The following STAT5A variants were observed in gnomAD, a reference collection of about 807,000 sequenced individuals.
The protein encoded by STAT5A is signal transducer and activator of transcription 5A, also known as epididymis secretory sperm binding protein.
STAT5A carries 26 observed loss-of-function variants against 100.2 expected under a neutral mutation model. The ratio of observed to expected loss-of-function variants is 0.26; its 90% CI spans 0.19 to 0.36. The LOEUF (loss-of-function observed/expected upper bound fraction) is 0.36, where lower values mean the gene tolerates loss of function less well. Ranked by LOEUF, STAT5A falls within the 10% of genes least tolerant of loss-of-function variation. STAT5A has a pLI of 1.00. For synonymous variants in STAT5A, 330 were observed against 424.3 expected (o/e 0.78, Z 2.73); for missense variants, 634 against 1,027.5 (o/e 0.62, Z 5.24).
chr17:42,292,478 A>G (rs1260613608), intron 4 of STAT5A, among the ~76,000 whole-genome samples: 20 of 151,538 alleles, frequency 1.3e-4, no homozygotes, highest in Admixed American at 9.9e-4. Flanking sequence ...ACAGGCGCCC[A>G]CCACCATGCC....
In STAT5A at chr17:42,310,541, G is replaced by A. The variant is rs780160492; in HGVS notation, c.2257G>A (p.Asp753Asn). 1.6e-5 allele frequency: 26 copies of A among 1,614,176 alleles called. No individual in the cohort carries two copies. The East Asian group carries it at 4.5e-4, about 28-fold the overall frequency. The change falls in exon 19 of 19, where the codon GAC (aspartate) becomes AAC (asparagine). Residue 753 changes from aspartate to asparagine, a missense_variant. Physicochemically the swap from Asp to Asn is conservative, Grantham distance 23. This residue lies in a region of STAT5A where 88 missense variants were observed against 95.1 expected (regional missense o/e 0.92). Coordinates refer to ENST00000590949, the MANE Select transcript of STAT5A (RefSeq NM_001288718.2). ...DHVLDQDGEF[D>N]LDETMDVARH... is the part of the protein sequence containing the mutation. ...TGTACTCGATCAGGATGGAGAATTC[G>A]ACCTGGATGAGACCATGGATGTGGC...
intron 9 of STAT5A, among the ~76,000 whole-genome samples, chr17:42,302,293 G>T (rs904445592): frequency 5.9e-5 from 9 of 152,250 alleles, no homozygotes; most frequent in African/African-American, 1.9e-4. Flanking sequence ...AGCAGAGCAG[G>T]CAGCAGATGC....
chr17:42,291,012 A>G (rs1567686561), intron 3 of STAT5A, among the ~76,000 whole-genome samples: 1 of 152,230 alleles, frequency 6.6e-6, no homozygotes. Context: ...TGTGCTATGC[A>G]ATGAAATAAT....
chr17:42,307,849 G>C (rs1342316734), intron 15 of STAT5A, 126 bp downstream of exon 15: 1 of 1,363,612 alleles, frequency 7.3e-7, no homozygotes, highest in African/African-American at 1.5e-5. Context: ...AGTATGAGAG[G>C]GCTGTGGCTT....
intron 2 of STAT5A, 74 bp from the exon 3 acceptor site, chr17:42,289,792 C>T: frequency 6.9e-7 from 1 of 1,447,886 alleles, no homozygotes; most frequent in East Asian, 2.5e-5. Context: ...GGGGTTTCCA[C>T]TTTATTCCAG....
rs570915545 is a variant in STAT5A, at chr17:42,308,955, G to A, written c.2063-92G>A. On this transcript the variant is annotated intron_variant, in intron 16 of 18. Coordinates refer to ENST00000590949, the MANE Select transcript of STAT5A (RefSeq NM_001288718.2). This position sits in a 1 kb window ranked among gnomAD's most constrained non-coding sequence, Gnocchi z 4.6. Reference sequence around the variant, plus strand: ...CCCAGCTGAGAACACAAGGTGATGTGAGCAGGAGGGAGACTACATGGGGCG... The same window carrying A: ...CCCAGCTGAGAACACAAGGTGATGTAAGCAGGAGGGAGACTACATGGGGCG... The A allele has an allele frequency of 1.8e-5, 27 of 1,512,342 alleles. No individual in the cohort carries two copies. In the East Asian group the frequency reaches 5.0e-4, roughly 28 times the overall value. 93.7% of individuals were successfully genotyped at this position (1,512,342 alleles called of 1,614,324 possible). A position where few individuals can be genotyped will look rare whatever the true frequency, so the allele number is the denominator to read the frequency against.
At chr17:42,305,937 G>A (rs1381744479) in intron 12 of STAT5A, among the ~76,000 whole-genome samples, 1 of 152,182 alleles carries the variant, frequency 6.6e-6, no homozygotes, top group Non-Finnish European at 1.5e-5. Context: ...TTGGTCTTTG[G>A]ATCCTGGTCT....
intron 4 of STAT5A, among the ~76,000 whole-genome samples, chr17:42,294,354 T>C (rs1331123354): frequency 2.0e-5 from 3 of 152,156 alleles, no homozygotes; most frequent in Non-Finnish European, 4.4e-5. Context: ...TCCATGTCCA[T>C]GGTGCTGGTG....
intron 9 of STAT5A, 57 bp downstream of exon 9, chr17:42,301,511 C>T: frequency 1.3e-6 from 2 of 1,598,158 alleles, no homozygotes; most frequent in South Asian, 2.2e-5. Flanking sequence ...CCTGCACCCC[C>T]CGCTTTGTCC....
rs761867798 is a variant in STAT5A at position 42,301,369 on chromosome 17, G to A, written c.1084G>A (p.Val362Met). Residue 362 changes from valine to methionine, a missense_variant, in exon 9 of 19, where the codon GTG becomes ATG. Val to Met is a conservative substitution (Grantham distance 21, BLOSUM62 1). Coordinates refer to ENST00000590949, the MANE Select transcript of STAT5A (RefSeq NM_001288718.2). ...VRLLVGGKLN[V>M]HMNPPQVKAT... is the part of the protein sequence containing the mutation. ...CCTGCTGGTGGGCGGGAAGCTGAAC[G>A]TGCACATGAATCCCCCCCAGGTGAA... 1.1e-5 allele frequency: 18 copies of A among 1,614,062 alleles called. No individual in the cohort carries two copies. The highest frequency in any genetic ancestry group is 4.5e-5 in the East Asian group (2 of 44,892).
rs115054742 is a variant in STAT5A, at chr17:42,301,865, C to T, written c.1169+411C>T. On this transcript the variant is annotated intron_variant, in intron 9 of 18. Coordinates refer to ENST00000590949, the MANE Select transcript of STAT5A (RefSeq NM_001288718.2). ...CCTCCTACTCAGATGCCTTCCCTGT[C>T]CCTGCAACAAGCTTGGTGCTAGGCT... Among the ~76,000 whole-genome samples the T allele has an allele frequency of 5.8e-3, 884 of 152,320 alleles. 9 individuals carry two copies. Among genetic ancestry groups the T allele is most frequent in the African/African-American group, 0.02 (833 of 41,548 alleles).
At position 42,309,043 on chromosome 17, in the gene STAT5A, A is replaced by G. The variant is rs28395855; in HGVS notation, c.2063-4A>G. ...GGTTCTCACCACTGTTCTTCCCTTG[A>G]CAGCTAAAGCTGTTGATGGATATGT... On this transcript the variant is annotated splice_region_variant and splice_polypyrimidine_tract_variant and intron_variant, in intron 16 of 18. Coordinates refer to ENST00000590949, the MANE Select transcript of STAT5A (RefSeq NM_001288718.2). 5,447 of 1,614,128 alleles carry G rather than the reference A, an allele frequency of 3.4e-3. 172 individuals are homozygous for G. The African/African-American group carries it at 0.064, about 19-fold the overall frequency.
At chr17:42,294,012 C>T (rs1279951348) in intron 4 of STAT5A, among the ~76,000 whole-genome samples, 9 of 151,984 alleles carry the variant, frequency 5.9e-5, no homozygotes, top group Non-Finnish European at 1.0e-4. Flanking sequence ...GTCAGAAGTT[C>T]GAGACCAGCC....
chr17:42,289,184 G>A (rs1370614753), intron 1 of STAT5A: 3 of 476,352 alleles, frequency 6.3e-6, no homozygotes, highest in Non-Finnish European at 1.1e-5. Flanking sequence ...TGCCTCTGCA[G>A]AGCACCTTCC....
At chr17:42,296,304 C>T (rs574661719) in intron 5 of STAT5A, among the ~76,000 whole-genome samples, 5 of 152,176 alleles carry the variant, frequency 3.3e-5, no homozygotes, top group Admixed American at 6.5e-5. Flanking sequence ...TTGAGCCTCA[C>T]GGATAGGATG....
intron 4 of STAT5A, 129 bp downstream of exon 4, chr17:42,292,190 A>G: frequency 8.5e-7 from 1 of 1,178,370 alleles, no homozygotes; most frequent in Non-Finnish European, 1.2e-6. Context: ...GACGTGGGCA[A>G]GTGTAAGAGG....
At chr17:42,309,763 A>G in intron 18 of STAT5A, 1 of 370,982 alleles carries the variant, frequency 2.7e-6, no homozygotes, top group Non-Finnish European at 4.9e-6. Context: ...TTGCCTCATG[A>G]GAATGGGATG....
At position 42,310,974 on chromosome 17, in the gene STAT5A, T is replaced by C; in HGVS notation, c.*305T>C. On this transcript the variant is annotated 3_prime_UTR_variant, in exon 19 of 19. Transcript: ENST00000590949. ...TCAATGCAGCCAGACCTATTCCTCC[T>C]GGGCCCCTCATCTGCTCAGCAGCTA... The C allele has an allele frequency of 2.5e-6, 1 of 405,718 alleles. No individual in the cohort carries two copies. The highest frequency in any genetic ancestry group is 3.0e-5 in the South Asian group (1 of 32,952). The allele number at this position is 405,718 out of a possible 1,614,324, so 25.1% of individuals were successfully genotyped here. A position where few individuals can be genotyped will look rare whatever the true frequency, so the allele number is the denominator to read the frequency against.
chr17:42,290,027 G>T lies in STAT5A; in HGVS notation c.285+5G>T. 1 of 1,609,870 alleles carries T rather than the reference G, an allele frequency of 6.2e-7. No homozygotes were observed. Among genetic ancestry groups the T allele is most frequent in the Non-Finnish European group, 8.5e-7 (1 of 1,178,168 alleles). On this transcript the variant is annotated splice_donor_5th_base_variant and intron_variant, in intron 3 of 18. Coordinates refer to ENST00000590949, the MANE Select transcript of STAT5A (RefSeq NM_001288718.2). ...CACTACGCCACGCAGCTCCAGGTGG[G>T]TGTAGGCTCTGGGCCACCTACGGGG...
Sources: gnomAD v4.1 joint callset for allele counts (sites outside exome capture counted in the v4.1 genomes callset) on GRCh38, gnomAD v4.1.1 for gene constraint, gnomAD v4.1.1 regional missense constraint, Gnocchi (gnomAD v3.1) non-coding constraint, MANE v1.5 for transcripts, NCBI Gene and HGNC (gene_info 2026-07-23, HGNC 2026-07-21) for gene names.